Variants in FBXW7 observed in about 807,000 individuals in gnomAD.
The protein encoded by FBXW7 is F-box and WD repeat domain containing 7.
In FBXW7, 11 loss-of-function variants were observed where a neutral mutation model predicts 86.3. The observed-to-expected ratio is 0.13, with a 90% CI of 0.08 to 0.21. The LOEUF is 0.21. Among genes scored for constraint, FBXW7 ranks in the 10% least tolerant of loss-of-function variants. FBXW7 has a pLI of 1.00. For missense variants in FBXW7, 488 were observed against 847.4 expected, an observed-to-expected ratio of 0.58 and a Z score of 5.27; for synonymous variants, 313 against 297.9, an observed-to-expected ratio of 1.05 and a Z score of -0.52.
chr4:152,352,844 A>G, intron 4 of FBXW7: 1 of 1,512,060 alleles, frequency 6.6e-7, no homozygotes, highest in South Asian at 1.3e-5. Context: ...TTCCTCCCTC[A>G]GCAGCAGAGG....
In FBXW7 at chr4:152,329,677, C is replaced by T; in HGVS notation, c.1231G>A (p.Gly411Ser). ...TGTAGGAAGAGTAAACTTACTTTGC[C>T]TGTGACTGCTGACCAAACTTTTAAA... The part of the protein sequence containing the change: ...NTLKVWSAVT[G>S]KCLRTLVGHT... Residue 411 changes from glycine (G) to serine (S), a missense_variant, in exon 10 of 14, where the codon GGC becomes AGC. By Grantham distance (56) the Gly-to-Ser change is moderately conservative. Transcript: ENST00000281708. The T allele has an allele frequency of 6.4e-7, 1 of 1,560,026 alleles. No individual in the cohort carries two copies. The highest frequency in any genetic ancestry group is 8.7e-7 in the Non-Finnish European group (1 of 1,154,822).
At position 152,391,642 on chromosome 4, in the gene FBXW7, A is replaced by G. The variant is rs187819021; in HGVS notation, c.501+19661T>C. 1.1e-4 allele frequency among the ~76,000 whole-genome samples: 16 copies of G among 152,226 alleles called. No homozygotes were observed. In the East Asian group the frequency reaches 3.1e-3, roughly 29 times the overall value. On this transcript the variant is annotated intron_variant, in intron 4 of 13. Transcript: ENST00000281708. The stretch of plus-strand genomic sequence containing the variant: ...ACTGGAACAATGATAAGGGGAAGAG[A>G]TTAAACACTGACAAGAGTTTCTACT...
chr4:152,464,085 C>T (rs1379062213), intron 2 of FBXW7, among the ~76,000 whole-genome samples: 3 of 152,150 alleles, frequency 2.0e-5, no homozygotes, highest in African/African-American at 4.8e-5. Flanking sequence ...CGGCCAGATC[C>T]GTCCAGCTAA....
rs992778934 is a variant in FBXW7, at chr4:152,506,140, C to CT, written c.-120+28800dup. Among the ~76,000 whole-genome samples, 36 of 151,228 alleles carry CT rather than the reference C, an allele frequency of 2.4e-4. No homozygotes were observed. In the East Asian group the frequency reaches 6.0e-3, roughly 25 times the overall value. On this transcript the variant is annotated intron_variant, in intron 2 of 13. Transcript: ENST00000281708. ...ACTGTACATAATTGTATGTGCTATA[C>CT]TTTTTTTTTGAGACGGAGTCTTGCT... is the stretch of plus-strand genomic sequence containing the variant.
chr4:152,499,660 G>T (rs1437009016), intron 2 of FBXW7, among the ~76,000 whole-genome samples: 1 of 151,908 alleles, frequency 6.6e-6, no homozygotes, highest in East Asian at 1.9e-4. Flanking sequence ...CTGCAAAAAG[G>T]GGGCAGCCTC....
At chr4:152,532,237 CT>C (rs1167896269) in intron 2 of FBXW7, among the ~76,000 whole-genome samples, 4 of 152,176 alleles carry the variant, frequency 2.6e-5, no homozygotes, top group Non-Finnish European at 5.9e-5. Flanking sequence ...TTTCTAAACT[CT>C]TTTTTGTAAG....
chr4:152,429,505 G>A (rs931094602), intron 2 of FBXW7, among the ~76,000 whole-genome samples: 7 of 152,052 alleles, frequency 4.6e-5, no homozygotes, highest in Non-Finnish European at 1.0e-4. Flanking sequence ...TATAAAAAGA[G>A]ATAGTCATAA....
chr4:152,329,220 A>AT (rs1729331870), intron 10 of FBXW7: 1 of 152,136 alleles, frequency 6.6e-6, no homozygotes, highest in South Asian at 2.1e-4. Flanking sequence ...AGGGTTTGAG[A>AT]TAAGTATAAA....
intron 2 of FBXW7, among the ~76,000 whole-genome samples, chr4:152,443,117 CCGGGCG>C (rs1474964937): frequency 1.1e-4 from 17 of 152,090 alleles, no homozygotes; most frequent in African/African-American, 3.9e-4. Flanking sequence ...ACAAAATTAG[CCGGGCG>C]TGGTGGTGCA....
intron 2 of FBXW7, among the ~76,000 whole-genome samples, chr4:152,440,355 CA>C (rs1288011586): frequency 2.0e-5 from 3 of 152,068 alleles, no homozygotes; most frequent in African/African-American, 7.2e-5. Flanking sequence ...AAGGAGAAAG[CA>C]GTACATACTG....
At chr4:152,442,576 CA>C (rs1008538808) in intron 2 of FBXW7, among the ~76,000 whole-genome samples, 4 of 152,276 alleles carry the variant, frequency 2.6e-5, no homozygotes, top group African/African-American at 7.2e-5. Context: ...GTGGTTTACA[CA>C]AGAGGTTAGC....
chr4:152,389,369 C>T (rs114748751), intron 4 of FBXW7, among the ~76,000 whole-genome samples: 127 of 152,060 alleles, frequency 8.4e-4, no homozygotes, highest in Non-Finnish European at 1.3e-3. Flanking sequence ...TTTAAGTCAA[C>T]TATGATAACT....
chr4:152,512,592 A>G (rs1748076895), intron 2 of FBXW7, among the ~76,000 whole-genome samples: 2 of 152,224 alleles, frequency 1.3e-5, no homozygotes, highest in African/African-American at 4.8e-5. Context: ...GCTACAACAC[A>G]GAAGAACACT....
chr4:152,388,386 T>C (rs2255137), intron 4 of FBXW7, among the ~76,000 whole-genome samples: 63,787 of 151,958 alleles, frequency 0.42, 16,618 homozygotes, highest in Non-Finnish European at 0.58. Flanking sequence ...AATAAAAGCA[T>C]TGCATGTACA....
In FBXW7 at chr4:152,329,691, C is replaced by A. The variant is rs2126524930; in HGVS notation, c.1217G>T (p.Trp406Leu). Residue 406 changes from tryptophan (W) to leucine (L), a missense_variant, in exon 10 of 14, where the codon TGG becomes TTG. Trp to Leu is a moderately conservative substitution (Grantham distance 61). This residue lies in a region of FBXW7 where 142 missense variants were observed against 406.6 expected (regional missense o/e 0.35). Coordinates refer to ENST00000281708, the MANE Select transcript of FBXW7 (RefSeq NM_001349798.2). Reference protein sequence around the residue: ...SGSDDNTLKVWSAVTGKCLRT... With the variant: ...SGSDDNTLKVLSAVTGKCLRT... ...ACTTACTTTGCCTGTGACTGCTGAC[C>A]AAACTTTTAAAGTGTTGTCATCAGA... 6.4e-7 allele frequency: 1 copy of A among 1,573,874 alleles called. No individual in the cohort carries two copies.
At chr4:152,526,581 CTTAAT>C (rs1749533686) in intron 2 of FBXW7, among the ~76,000 whole-genome samples, 1 of 152,114 alleles carries the variant, frequency 6.6e-6, no homozygotes, top group African/African-American at 2.4e-5. Flanking sequence ...TTATTTCGAT[CTTAAT>C]TTGAGATGTA....
intron 4 of FBXW7, among the ~76,000 whole-genome samples, chr4:152,372,873 T>C (rs533707361): frequency 1.5e-4 from 23 of 152,134 alleles, no homozygotes; most frequent in African/African-American, 5.3e-4. Context: ...ATAAATCATG[T>C]GCTAAGTCGC....
At chr4:152,517,650 G>A (rs1049560851) in intron 2 of FBXW7, among the ~76,000 whole-genome samples, 1 of 152,180 alleles carries the variant, frequency 6.6e-6, no homozygotes, top group Non-Finnish European at 1.5e-5. Flanking sequence ...CTATAAAATA[G>A]GGATATTAAC....
chr4:152,350,675 C>T (rs1272629755), intron 4 of FBXW7, among the ~76,000 whole-genome samples: 1 of 151,372 alleles, frequency 6.6e-6, no homozygotes, highest in Admixed American at 6.6e-5. Flanking sequence ...TTAATATGGG[C>T]AATAAGGACA....
Sources: gnomAD v4.1 joint callset for allele counts (sites outside exome capture counted in the v4.1 genomes callset) on GRCh38, gnomAD v4.1.1 for gene constraint, gnomAD v4.1.1 regional missense constraint, MANE v1.5 for transcripts, NCBI Gene and HGNC (gene_info 2026-07-23, HGNC 2026-07-21) for gene names.